The following GRID2 variants were observed in gnomAD, a reference collection of about 807,000 sequenced individuals.
The protein encoded by GRID2 is glutamate receptor ionotropic, delta-2.
In GRID2, 33 loss-of-function variants were observed where a neutral mutation model predicts 114.8. The ratio of observed to expected loss-of-function variants is 0.29; its 90% CI spans 0.22 to 0.38. The LOEUF is 0.38. Ranked by LOEUF, GRID2 falls within the 10% of genes least tolerant of loss-of-function variation. The probability of loss-of-function intolerance (pLI) is 1.00; values close to 1 mark genes in which losing one functional copy is unlikely to be tolerated. For missense variants in GRID2, 1,184 were observed against 1,257.7 expected (o/e 0.94, Z 0.89); for synonymous variants, 505 against 449.9 (o/e 1.12, Z -1.55).
At chr4:92,587,307 C>G (rs1300621401) in intron 1 of GRID2, among the ~76,000 whole-genome samples, 1 of 151,778 alleles carries the variant, frequency 6.6e-6, no homozygotes, top group Non-Finnish European at 1.5e-5. Flanking sequence ...ATTTGAGCAA[C>G]TATATAGTTA....
intron 1 of GRID2, among the ~76,000 whole-genome samples, chr4:92,491,418 T>C (rs1723141763): frequency 6.6e-6 from 1 of 152,140 alleles, no homozygotes; most frequent in African/African-American, 2.4e-5. Context: ...ACATAAGCCT[T>C]CTTGTGTACT....
chr4:93,432,339 G>A (rs1211304941), intron 10 of GRID2, among the ~76,000 whole-genome samples: 1 of 152,164 alleles, frequency 6.6e-6, no homozygotes, highest in Non-Finnish European at 1.5e-5. Flanking sequence ...AATTAAATGA[G>A]ATGAAAGAAG....
chr4:93,262,220 G>A (rs1579465451), intron 8 of GRID2, among the ~76,000 whole-genome samples: 1 of 151,854 alleles, frequency 6.6e-6, no homozygotes, highest in East Asian at 1.9e-4. Flanking sequence ...CAGTTACTTA[G>A]GTCTTATATA....
intron 2 of GRID2, among the ~76,000 whole-genome samples, chr4:92,943,711 TG>T: frequency 6.6e-6 from 1 of 152,320 alleles, no homozygotes; most frequent in Non-Finnish European, 1.5e-5. Context: ...TTTGTGGTTT[TG>T]TCTACTTTTG....
At chr4:92,696,708 T>TAG (rs1466354574) in intron 2 of GRID2, among the ~76,000 whole-genome samples, 1 of 152,094 alleles carries the variant, frequency 6.6e-6, no homozygotes, top group Admixed American at 6.6e-5. Context: ...AGAAAGGCTG[T>TAG]AGAGAGGGGT....
intron 13 of GRID2, among the ~76,000 whole-genome samples, chr4:93,608,480 G>T (rs1740562513): frequency 2.8e-5 from 4 of 143,018 alleles, no homozygotes; most frequent in Admixed American, 2.1e-4. Flanking sequence ...CCCCACCACA[G>T]TCCCCAGAGT....
At chr4:92,802,884 C>T (rs1360533702) in intron 2 of GRID2, among the ~76,000 whole-genome samples, 3 of 151,900 alleles carry the variant, frequency 2.0e-5, no homozygotes, top group Non-Finnish European at 2.9e-5. Context: ...GTCTGAACCA[C>T]TAGGAATGGT....
At chr4:93,153,268 T>C (rs1382075935) in intron 4 of GRID2, among the ~76,000 whole-genome samples, 2 of 152,086 alleles carry the variant, frequency 1.3e-5, no homozygotes, top group Admixed American at 1.3e-4. Flanking sequence ...TGAAACTATC[T>C]TCAGAAATAC....
At chr4:92,669,457 T>C (rs1268410846) in intron 2 of GRID2, among the ~76,000 whole-genome samples, 3 of 151,964 alleles carry the variant, frequency 2.0e-5, no homozygotes, top group Non-Finnish European at 4.4e-5. Flanking sequence ...AGATATCTTT[T>C]TAAAGGAACT....
chr4:93,061,435 A>G (rs1186536846), intron 2 of GRID2, among the ~76,000 whole-genome samples: 10 of 152,060 alleles, frequency 6.6e-5, no homozygotes, highest in Admixed American at 6.6e-4. Context: ...CATTCCATTG[A>G]CTATAGTAAG....
chr4:93,250,335 G>A (rs1223436952), intron 8 of GRID2, among the ~76,000 whole-genome samples: 1 of 151,944 alleles, frequency 6.6e-6, no homozygotes, highest in East Asian at 1.9e-4. Context: ...TCACACACTG[G>A]GGCCTGTCAG....
intron 2 of GRID2, among the ~76,000 whole-genome samples, chr4:93,039,078 T>C (rs914236719): frequency 1.3e-5 from 2 of 152,072 alleles, no homozygotes; most frequent in Non-Finnish European, 2.9e-5. Flanking sequence ...CAAATGTCCA[T>C]CAATGATAGA....
At chr4:93,231,023 T>A (rs1292836307) in intron 7 of GRID2, among the ~76,000 whole-genome samples, 1 of 152,054 alleles carries the variant, frequency 6.6e-6, no homozygotes, top group African/African-American at 2.4e-5. Flanking sequence ...AAATTTGAGC[T>A]GTTCTGGAAA....
intron 4 of GRID2, chr4:93,203,852 A>G (rs1442912126): frequency 1.3e-5 from 2 of 152,194 alleles, no homozygotes; most frequent in Non-Finnish European, 2.9e-5. Context: ...GCTGGAATGG[A>G]CAGAGAGCAG....
At chr4:92,384,517 TTATATAATATAATATATA>T (rs1729794032) in intron 1 of GRID2, among the ~76,000 whole-genome samples, 2 of 36,216 alleles carry the variant, frequency 5.5e-5, no homozygotes, top group East Asian at 1.8e-3. Flanking sequence ...ATATATAATA[TTATATAATATAATATATA>T]ATATAATATA....
chr4:93,181,540 G>A (rs1390604195), intron 4 of GRID2, among the ~76,000 whole-genome samples: 1 of 152,130 alleles, frequency 6.6e-6, no homozygotes, highest in Non-Finnish European at 1.5e-5. Flanking sequence ...AAGTCCCAAT[G>A]GCATCTTCCT....
At chr4:93,709,935 T>C (rs1728340515) in intron 14 of GRID2, among the ~76,000 whole-genome samples, 1 of 152,212 alleles carries the variant, frequency 6.6e-6, no homozygotes, top group South Asian at 2.1e-4. Flanking sequence ...TTTAATCTCT[T>C]TGTTAAATTT....
At chr4:92,790,618 A>G (rs868335145) in intron 2 of GRID2, among the ~76,000 whole-genome samples, 2 of 151,018 alleles carry the variant, frequency 1.3e-5, no homozygotes, top group Admixed American at 1.3e-4. Context: ...CAGTCTCACT[A>G]TATTGCCCAG....
At chr4:92,562,054 T>A (rs976405164) in intron 1 of GRID2, among the ~76,000 whole-genome samples, 4 of 152,318 alleles carry the variant, frequency 2.6e-5, no homozygotes, top group African/African-American at 9.6e-5. Context: ...ATGTAGTCTT[T>A]ATCTCTGAGA....
Sources: gnomAD v4.1 joint callset for allele counts (sites outside exome capture counted in the v4.1 genomes callset) on GRCh38, gnomAD v4.1.1 for gene constraint, MANE v1.5 for transcripts, NCBI Gene and HGNC (gene_info 2026-07-23, HGNC 2026-07-21) for gene names.